The following CLSTN2 variants were observed in gnomAD, a reference collection of about 807,000 sequenced individuals.
The protein encoded by CLSTN2 is calsyntenin 2, also known as calsyntenin-2.
CLSTN2 carries 48 observed loss-of-function variants against 101.2 expected under a neutral mutation model. The observed-to-expected ratio is 0.47, with a 90% CI of 0.38 to 0.60. The LOEUF (loss-of-function observed/expected upper bound fraction) is 0.60. Ranked by LOEUF, CLSTN2 falls within the 20% of genes least tolerant of loss-of-function variation. The pLI is 0.00. For synonymous variants in CLSTN2, 481 were observed against 463.6 expected, an observed-to-expected ratio of 1.04 and a Z score of -0.48; for missense variants, 1,160 against 1,238.2, an observed-to-expected ratio of 0.94 and a Z score of 0.95.
intron 5 of CLSTN2, among the ~76,000 whole-genome samples, chr3:140,440,472 T>G (rs1463765283): frequency 6.6e-6 from 1 of 152,230 alleles, no homozygotes; most frequent in Non-Finnish European, 1.5e-5. Flanking sequence ...GGTACCTGTG[T>G]GTAATTGTTT....
At chr3:140,525,006 A>G (rs1437159197) in intron 8 of CLSTN2, among the ~76,000 whole-genome samples, 1 of 152,246 alleles carries the variant, frequency 6.6e-6, no homozygotes, top group Non-Finnish European at 1.5e-5. Context: ...AAAGATTTCA[A>G]TTTAACAATC....
At chr3:140,128,845 G>A (rs1317293) in intron 1 of CLSTN2, among the ~76,000 whole-genome samples, 20,951 of 152,100 alleles carry the variant, frequency 0.14, 2,633 homozygotes, top group African/African-American at 0.33. Context: ...TGGATCTGGA[G>A]AGGCCAGTGG....
At chr3:139,979,322 G>A (rs1345352749) in intron 1 of CLSTN2, among the ~76,000 whole-genome samples, 3 of 152,210 alleles carry the variant, frequency 2.0e-5, no homozygotes, top group Non-Finnish European at 4.4e-5. Context: ...GGAATCCAGG[G>A]TGAATGTGAG....
intron 1 of CLSTN2, among the ~76,000 whole-genome samples, chr3:140,128,267 G>A (rs2009467881): frequency 6.6e-6 from 1 of 152,150 alleles, no homozygotes; most frequent in South Asian, 2.1e-4. Context: ...CAGCTCTTGG[G>A]CGAGGGAGGA....
intron 2 of CLSTN2, among the ~76,000 whole-genome samples, chr3:140,359,295 C>A (rs369190040): frequency 2.6e-5 from 4 of 152,098 alleles, no homozygotes; most frequent in Non-Finnish European, 5.9e-5. Context: ...TGAACAAAAA[C>A]GTTGGAACTT....
chr3:140,259,581 A>G (rs917173817), intron 2 of CLSTN2, among the ~76,000 whole-genome samples: 18 of 152,178 alleles, frequency 1.2e-4, no homozygotes, highest in Non-Finnish European at 2.6e-4. Flanking sequence ...AATCAAGATG[A>G]CACACCTATA....
At chr3:140,190,792 A>G (rs1040027248) in intron 2 of CLSTN2, among the ~76,000 whole-genome samples, 1 of 152,074 alleles carries the variant, frequency 6.6e-6, no homozygotes, top group Admixed American at 6.6e-5. Flanking sequence ...ACCTTGCTGA[A>G]TTTAATAGTT....
chr3:140,384,421 A>C (rs2088027887), intron 2 of CLSTN2, among the ~76,000 whole-genome samples: 1 of 152,244 alleles, frequency 6.6e-6, no homozygotes, highest in African/African-American at 2.4e-5. Flanking sequence ...AGTTTGATTT[A>C]ACATTTCAGT....
chr3:140,524,758 T>C (rs1935101913), intron 8 of CLSTN2, among the ~76,000 whole-genome samples: 1 of 152,148 alleles, frequency 6.6e-6, no homozygotes. Flanking sequence ...CTCTCAAGAC[T>C]GCAATGCAGC....
At chr3:140,370,640 G>T (rs964064583) in intron 2 of CLSTN2, among the ~76,000 whole-genome samples, 1 of 152,110 alleles carries the variant, frequency 6.6e-6, no homozygotes, top group African/African-American at 2.4e-5. Context: ...TATTTACTCG[G>T]CATGCCCTCA....
At chr3:140,046,081 T>C (rs2007874064) in intron 1 of CLSTN2, among the ~76,000 whole-genome samples, 1 of 152,224 alleles carries the variant, frequency 6.6e-6, no homozygotes, top group South Asian at 2.1e-4. Flanking sequence ...TTGTTAACTT[T>C]CTGTCTTGTT....
chr3:140,519,493 T>G (rs2107772580), intron 8 of CLSTN2, among the ~76,000 whole-genome samples: 1 of 152,360 alleles, frequency 6.6e-6, no homozygotes, highest in South Asian at 2.1e-4. Flanking sequence ...CTCTAAGAAC[T>G]TGATTTATGA....
Position 140,213,210 on chromosome 3 carries a change from A to T in CLSTN2, c.232+37137A>T, listed in dbSNP as rs142183601. Reference sequence around the variant, plus strand: ...CTTCAGTCCCAGGATCCTTCCCTAGATTTAGTATTATTTTTTGTAACATGT... The same window carrying T: ...CTTCAGTCCCAGGATCCTTCCCTAGTTTTAGTATTATTTTTTGTAACATGT... On this transcript the variant is annotated intron_variant, in intron 2 of 16. Coordinates refer to ENST00000458420, the MANE Select transcript of CLSTN2 (RefSeq NM_022131.3). Among the ~76,000 whole-genome samples, 798 of 152,064 alleles carry T rather than the reference A, an allele frequency of 5.2e-3. 10 individuals are homozygous for T. Among genetic ancestry groups the T allele is most frequent in the African/African-American group, 0.019 (772 of 41,478 alleles).
chr3:140,401,285 C>T (rs1424588607), intron 2 of CLSTN2, among the ~76,000 whole-genome samples: 1 of 152,198 alleles, frequency 6.6e-6, no homozygotes, highest in Non-Finnish European at 1.5e-5. Flanking sequence ...TCTTGATTGT[C>T]CTTTTTACTT....
In CLSTN2 at chr3:140,571,661, A is replaced by G. The variant is rs1340109379; in HGVS notation, c.*5408A>G. On this transcript the variant is annotated 3_prime_UTR_variant, in exon 17 of 17. Transcript: ENST00000458420. ...CAGCTGCAGGCAAAAGAAATGAGCA[A>G]TGAAAGTTTTGAAGTCTACCCCAGT... 3 of 152,264 alleles carry G rather than the reference A, an allele frequency of 2.0e-5. No individual in the cohort carries two copies. Among genetic ancestry groups the G allele is most frequent in the Non-Finnish European group, 2.9e-5 (2 of 68,054 alleles). 9.4% of individuals were successfully genotyped at this position (152,264 alleles called of 1,614,324 possible). A position where few individuals can be genotyped will look rare whatever the true frequency, so the allele number is the denominator to read the frequency against.
intron 8 of CLSTN2, among the ~76,000 whole-genome samples, chr3:140,513,583 C>CTTCTTTTTTTT (rs374321434): frequency 8.5e-6 from 1 of 117,762 alleles, no homozygotes; most frequent in Admixed American, 9.3e-5. Flanking sequence ...TTTTTTCTTT[C>CTTCTTTTTTTT]TTTTTTTTTT....
At chr3:140,044,649 T>G (rs912197965) in intron 1 of CLSTN2, among the ~76,000 whole-genome samples, 5 of 152,220 alleles carry the variant, frequency 3.3e-5, no homozygotes, top group African/African-American at 1.2e-4. Context: ...CCATTCAGTA[T>G]GATATTGGCT....
chr3:140,006,442 T>C (rs923596631), intron 1 of CLSTN2, among the ~76,000 whole-genome samples: 1 of 152,206 alleles, frequency 6.6e-6, no homozygotes, highest in Non-Finnish European at 1.5e-5. Flanking sequence ...TATGCAAATG[T>C]TCATGGAGGC....
intron 1 of CLSTN2, among the ~76,000 whole-genome samples, chr3:139,973,898 A>G (rs1560058560): frequency 6.6e-6 from 1 of 152,078 alleles, no homozygotes; most frequent in Non-Finnish European, 1.5e-5. Context: ...CGGCCTCCCA[A>G]AGTATTGGGA....
Sources: gnomAD v4.1 joint callset for allele counts (sites outside exome capture counted in the v4.1 genomes callset) on GRCh38, gnomAD v4.1.1 for gene constraint, MANE v1.5 for transcripts, NCBI Gene and HGNC (gene_info 2026-07-23, HGNC 2026-07-21) for gene names.